GRIK4: variants seen among roughly 807,000 people sequenced by gnomAD.
GRIK4 encodes the protein glutamate receptor ionotropic, kainate 4.
A neutral mutation model predicts 104.9 loss-of-function variants in GRIK4; 40 were observed. The ratio of observed to expected loss-of-function variants is 0.38; its 90% CI spans 0.30 to 0.50. The LOEUF is 0.50. Among genes scored for constraint, GRIK4 ranks in the 20% least tolerant of loss-of-function variants. The pLI is 0.93. For synonymous variants in GRIK4, 485 were observed against 524.9 expected (o/e 0.92, Z 1.04); for missense variants, 1,047 against 1,308.1 (o/e 0.80, Z 3.08).
At chr11:120,607,193 G>A (rs1948973237) in intron 1 of GRIK4, among the ~76,000 whole-genome samples, 1 of 152,216 alleles carries the variant, frequency 6.6e-6, no homozygotes, top group Non-Finnish European at 1.5e-5. Flanking sequence ...TTCAGGAAGT[G>A]GACTGCATGG....
At chr11:120,880,139 C>A (rs1954927288) in intron 11 of GRIK4, among the ~76,000 whole-genome samples, 1 of 152,192 alleles carries the variant, frequency 6.6e-6, no homozygotes, top group Non-Finnish European at 1.5e-5. Flanking sequence ...TACGTGGATA[C>A]CTCAGTTTCA....
At chr11:120,732,932 G>C (rs116112212) in intron 3 of GRIK4, among the ~76,000 whole-genome samples, 2,091 of 152,224 alleles carry the variant, frequency 0.014, 42 homozygotes, top group African/African-American at 0.047. Context: ...GCTGAAAGTG[G>C]GGTGTTGAAA....
chr11:120,584,435 CT>C (rs1276083386), intron 1 of GRIK4, among the ~76,000 whole-genome samples: 11 of 152,286 alleles, frequency 7.2e-5, no homozygotes, highest in African/African-American at 2.6e-4. Context: ...CCTCAGGAAG[CT>C]TACAATCATG....
At position 120,759,785 on chromosome 11, in the gene GRIK4, T is replaced by C. The variant is rs532131496; in HGVS notation, c.83-42908T>C. On this transcript the variant is annotated intron_variant, in intron 3 of 20. Transcript: ENST00000527524. The stretch of plus-strand genomic sequence containing the variant: ...GGCCAGATAGTAAATATTTTAGGCT[T>C]TGTGGGCCATATGGTCTCTGTTATG... Among the ~76,000 whole-genome samples the C allele has an allele frequency of 4.6e-5, 7 of 152,282 alleles. No individual in the cohort carries two copies. In the South Asian group the frequency reaches 1.2e-3, roughly 27 times the overall value.
chr11:120,814,894 C>T (rs1274838796), intron 4 of GRIK4, among the ~76,000 whole-genome samples: 1 of 152,230 alleles, frequency 6.6e-6, no homozygotes, highest in Non-Finnish European at 1.5e-5. Flanking sequence ...GCCACCCCTG[C>T]TCTCTTCCTG....
Position 120,732,454 on chromosome 11 carries a change from C to T in GRIK4, c.83-70239C>T, listed in dbSNP as rs140043481. ...CCAACTTTTCTAGTTCTTTAGGATG[C>T]ATCATTAGGTTATTTATTTGAAATT... On this transcript the variant is annotated intron_variant, in intron 3 of 20. Transcript: ENST00000527524. Among the ~76,000 whole-genome samples, 689 of 152,186 alleles carry T rather than the reference C, an allele frequency of 4.5e-3. 7 individuals carry two copies. Among genetic ancestry groups the T allele is most frequent in the African/African-American group, 0.016 (648 of 41,532 alleles).
chr11:120,622,516 T>C (rs981806455), intron 1 of GRIK4, among the ~76,000 whole-genome samples: 3 of 152,238 alleles, frequency 2.0e-5, no homozygotes, highest in South Asian at 2.1e-4. Context: ...TCCACAGATA[T>C]ATGCATATCA....
At position 120,627,896 on chromosome 11, in the gene GRIK4, C is replaced by T. The variant is rs536270852; in HGVS notation, c.-158-25789C>T. Among the ~76,000 whole-genome samples, 19 of 152,364 alleles carry T rather than the reference C, an allele frequency of 1.2e-4. 1 individual carries two copies. In the South Asian group the frequency reaches 3.9e-3, roughly 32 times the overall value. On this transcript the variant is annotated intron_variant, in intron 1 of 20. Coordinates refer to ENST00000527524, the MANE Select transcript of GRIK4 (RefSeq NM_014619.5). ...AGGTCAAGACAAACTTCAGAGTGAACTTCTGAACTCATGTCACGGTGCTGC... is the reference window on the plus strand; with the variant it reads ...AGGTCAAGACAAACTTCAGAGTGAATTTCTGAACTCATGTCACGGTGCTGC...
intron 20 of GRIK4, among the ~76,000 whole-genome samples, chr11:120,984,302 C>T (rs1944701331): frequency 6.6e-6 from 1 of 152,164 alleles, no homozygotes; most frequent in African/African-American, 2.4e-5. Context: ...AGGAAAGTGT[C>T]CTTTCAACTC....
intron 1 of GRIK4, among the ~76,000 whole-genome samples, chr11:120,528,312 A>T (rs879768594): frequency 4.0e-5 from 6 of 151,880 alleles, no homozygotes; most frequent in African/African-American, 7.3e-5. Context: ...GGGGTTTCAC[A>T]GTGTTAGCCA....
intron 1 of GRIK4, among the ~76,000 whole-genome samples, chr11:120,594,270 G>C (rs1232452741): frequency 6.6e-6 from 1 of 152,174 alleles, no homozygotes; most frequent in Non-Finnish European, 1.5e-5. Context: ...TTGAACCTAG[G>C]AGTTGAAGAC....
At chr11:120,571,323 A>G (rs1948395252) in intron 1 of GRIK4, among the ~76,000 whole-genome samples, 1 of 152,134 alleles carries the variant, frequency 6.6e-6, no homozygotes, top group Non-Finnish European at 1.5e-5. Context: ...TGTCCTCTGC[A>G]TGCCGCTGCA....
chr11:120,592,203 G>A (rs1277079275), intron 1 of GRIK4, among the ~76,000 whole-genome samples: 1 of 152,192 alleles, frequency 6.6e-6, no homozygotes, highest in African/African-American at 2.4e-5. Context: ...TTTAGGGACT[G>A]GAAAACTTTA....
intron 3 of GRIK4, among the ~76,000 whole-genome samples, chr11:120,704,787 C>T (rs1950603400): frequency 6.6e-6 from 1 of 150,584 alleles, no homozygotes; most frequent in Admixed American, 6.6e-5. Context: ...GACTTGTATA[C>T]TATAGTATCT....
chr11:120,945,786 C>T (rs1366490811), intron 14 of GRIK4, among the ~76,000 whole-genome samples: 2 of 152,248 alleles, frequency 1.3e-5, no homozygotes, highest in African/African-American at 2.4e-5. Context: ...TCACTGCTCT[C>T]TCTCTCTCTC....
chr11:120,692,793 A>G (rs1400631969), intron 3 of GRIK4, among the ~76,000 whole-genome samples: 3 of 151,930 alleles, frequency 2.0e-5, no homozygotes, highest in Non-Finnish European at 4.4e-5. Context: ...GGGCAGTGGT[A>G]TGATCTCAGC....
intron 7 of GRIK4, among the ~76,000 whole-genome samples, 196 bp from the exon 8 acceptor site, chr11:120,836,595 C>T (rs940143327): frequency 4.6e-5 from 7 of 152,154 alleles, no homozygotes; most frequent in Non-Finnish European, 7.3e-5. Flanking sequence ...GGAGAGACCC[C>T]GCTCTTGAGA....
At chr11:120,922,467 A>G (rs1943245492) in intron 13 of GRIK4, among the ~76,000 whole-genome samples, 1 of 152,150 alleles carries the variant, frequency 6.6e-6, no homozygotes, top group Non-Finnish European at 1.5e-5. Flanking sequence ...CTGTGAATAG[A>G]TAGTCCTGCT....
chr11:120,560,977 C>G (rs1948232509), intron 1 of GRIK4, among the ~76,000 whole-genome samples: 1 of 152,190 alleles, frequency 6.6e-6, no homozygotes, highest in African/African-American at 2.4e-5. Context: ...TGGCCTCAGC[C>G]TTAAATGGAT....
Sources: allele counts gnomAD v4.1 joint callset (sites outside exome capture counted in the v4.1 genomes callset), GRCh38; gene constraint gnomAD v4.1.1; transcripts MANE v1.5; gene names NCBI Gene and HGNC (gene_info 2026-07-23, HGNC 2026-07-21).